Variants in RPTOR observed in about 807,000 individuals in gnomAD.
RPTOR encodes regulatory associated protein of MTOR complex 1.
In RPTOR, 21 loss-of-function variants were observed where a neutral mutation model predicts 169.9. The observed-to-expected ratio is 0.12, with a 90% CI of 0.09 to 0.18. RPTOR has a LOEUF of 0.18. Among genes scored for constraint, RPTOR ranks in the 10% least tolerant of loss-of-function variants. The pLI is 1.00. For missense variants in RPTOR, 1,133 were observed against 1,855.9 expected (o/e 0.61, Z 7.16); for synonymous variants, 732 against 753.2 (o/e 0.97, Z 0.46).
chr17:80,777,535 T>C (rs1202543477), intron 6 of RPTOR, among the ~76,000 whole-genome samples: 1 of 145,370 alleles, frequency 6.9e-6, no homozygotes, highest in African/African-American at 2.6e-5. Flanking sequence ...TATGGGCTTA[T>C]TGGCCTTTGT....
intron 24 of RPTOR, among the ~76,000 whole-genome samples, chr17:80,928,635 G>A (rs746089063): frequency 2.0e-5 from 3 of 152,198 alleles, no homozygotes; most frequent in South Asian, 2.1e-4. Context: ...AGAAAGAGCC[G>A]TGTTCTGTCT....
At chr17:80,763,426 C>T (rs1237008878) in intron 6 of RPTOR, among the ~76,000 whole-genome samples, 4 of 152,094 alleles carry the variant, frequency 2.6e-5, no homozygotes, top group East Asian at 1.9e-4. Flanking sequence ...TGTGGTAAAA[C>T]GAACAGGAAA....
At chr17:80,688,462 C>G (rs144609734) in intron 3 of RPTOR, among the ~76,000 whole-genome samples, 2 of 152,208 alleles carry the variant, frequency 1.3e-5, no homozygotes, top group South Asian at 2.1e-4. Flanking sequence ...TCAGTATTGT[C>G]AGGTTCTGGA....
intron 10 of RPTOR, among the ~76,000 whole-genome samples, chr17:80,841,423 C>T (rs547093371): frequency 1.1e-4 from 15 of 138,244 alleles, no homozygotes; most frequent in African/African-American, 2.5e-4. Context: ...ACTCACCACA[C>T]GGCAGCTCAC....
chr17:80,607,438 G>A (rs1485499537), intron 1 of RPTOR, among the ~76,000 whole-genome samples: 1 of 151,900 alleles, frequency 6.6e-6, no homozygotes, highest in African/African-American at 2.4e-5. Flanking sequence ...GTATATGTTA[G>A]CTTACTAGTT....
intron 3 of RPTOR, among the ~76,000 whole-genome samples, chr17:80,703,314 G>A (rs780737798): frequency 6.6e-6 from 1 of 152,174 alleles, no homozygotes; most frequent in Non-Finnish European, 1.5e-5. Flanking sequence ...CCATGACTCC[G>A]GAAGTCTTTC....
chr17:80,930,474 C>T (rs368540054), intron 24 of RPTOR, among the ~76,000 whole-genome samples: 2 of 52,638 alleles, frequency 3.8e-5, no homozygotes, highest in African/African-American at 1.2e-4. Context: ...TCATCCCCAG[C>T]TCATCCCCAG....
At chr17:80,608,903 G>C (rs1379398271) in intron 1 of RPTOR, among the ~76,000 whole-genome samples, 1 of 152,228 alleles carries the variant, frequency 6.6e-6, no homozygotes, top group Non-Finnish European at 1.5e-5. Flanking sequence ...GAAGCTGAGG[G>C]TGGTCAGACG....
chr17:80,561,156 C>T (rs931595163), intron 1 of RPTOR, among the ~76,000 whole-genome samples: 34 of 148,936 alleles, frequency 2.3e-4, no homozygotes, highest in South Asian at 8.5e-4. Flanking sequence ...CTGCAATCTC[C>T]GCCTCCCGGG....
intron 5 of RPTOR, among the ~76,000 whole-genome samples, chr17:80,741,416 G>A (rs1041467429): frequency 3.9e-5 from 6 of 152,180 alleles, no homozygotes; most frequent in Admixed American, 6.5e-5. Flanking sequence ...TCTGGGGTTC[G>A]TTGTGAAGGA....
chr17:80,884,309 T>C (rs898357672), intron 16 of RPTOR, among the ~76,000 whole-genome samples: 2 of 152,204 alleles, frequency 1.3e-5, no homozygotes, highest in East Asian at 3.8e-4. Context: ...ATCTCCACTT[T>C]ACGGGCAAGG....
intron 2 of RPTOR, among the ~76,000 whole-genome samples, chr17:80,631,523 A>G (rs555607425): frequency 2.0e-5 from 3 of 152,202 alleles, no homozygotes; most frequent in African/African-American, 7.2e-5. Context: ...GCTTTCTCGG[A>G]GAGGACGGGC....
At chr17:80,728,446 G>GGTGTGTGTGTGT (rs71367012) in intron 4 of RPTOR, among the ~76,000 whole-genome samples, 5,611 of 148,246 alleles carry the variant, frequency 0.038, 223 homozygotes, top group African/African-American at 0.096. Context: ...TCCACTCTGG[G>GGTGTGTGTGTGT]GTGTGTGTGT....
At chr17:80,668,231 G>A (rs1346187144) in intron 3 of RPTOR, among the ~76,000 whole-genome samples, 1 of 152,198 alleles carries the variant, frequency 6.6e-6, no homozygotes, top group African/African-American at 2.4e-5. Context: ...ACTTGTCAAG[G>A]AGGGTGGCTA....
intron 6 of RPTOR, among the ~76,000 whole-genome samples, chr17:80,780,691 G>A (rs80051800): frequency 0.014 from 2,070 of 152,264 alleles, 50 homozygotes; most frequent in African/African-American, 0.047. Context: ...ACACACGTCA[G>A]GTGAGTCGTA....
chr17:80,756,458 T>C (rs889743312), intron 6 of RPTOR, among the ~76,000 whole-genome samples: 1 of 152,218 alleles, frequency 6.6e-6, no homozygotes, highest in African/African-American at 2.4e-5. Context: ...AGAAATAATT[T>C]ATTGGATATT....
At chr17:80,720,590 T>C (rs905279954) in intron 4 of RPTOR, among the ~76,000 whole-genome samples, 6 of 152,180 alleles carry the variant, frequency 3.9e-5, no homozygotes, top group African/African-American at 1.4e-4. Flanking sequence ...TTATGAGAGC[T>C]TAAACTTTAA....
At chr17:80,879,534 A>C (rs955213663) in intron 13 of RPTOR, among the ~76,000 whole-genome samples, 1 of 151,262 alleles carries the variant, frequency 6.6e-6, no homozygotes, top group Non-Finnish European at 1.5e-5. Flanking sequence ...TGCCCTGGAC[A>C]GTTCTGTCTG....
intron 12 of RPTOR, 25 bp downstream of exon 12, chr17:80,855,572 G>A (rs762666474): frequency 7.8e-6 from 12 of 1,543,470 alleles, no homozygotes; most frequent in Admixed American, 1.7e-5. Flanking sequence ...CATTAACCTG[G>A]GGGCTGAGGG....
Sources: gnomAD v4.1 joint callset for allele counts (sites outside exome capture counted in the v4.1 genomes callset) on GRCh38, gnomAD v4.1.1 for gene constraint, MANE v1.5 for transcripts, NCBI Gene and HGNC (gene_info 2026-07-23, HGNC 2026-07-21) for gene names.